The following SIAH1 variants were observed in gnomAD, a reference collection of about 807,000 sequenced individuals.
The protein encoded by SIAH1 is siah E3 ubiquitin protein ligase 1.
Under a neutral mutation model 20.0 loss-of-function variants are expected in SIAH1, and 2 were observed. The ratio of observed to expected loss-of-function variants is 0.10; its 90% confidence interval spans 0.04 to 0.31. The LOEUF (loss-of-function observed/expected upper bound fraction) is 0.31. SIAH1 is among the 10% of genes least tolerant of loss of function. SIAH1 has a pLI of 1.00. For missense variants in SIAH1, 119 were observed against 355.3 expected (o/e 0.33, Z 5.35); for synonymous variants, 118 against 125.3 (o/e 0.94, Z 0.39).
chr16:48,370,893 C>T (rs532661909), intron 1 of SIAH1, among the ~76,000 whole-genome samples: 1 of 151,732 alleles, frequency 6.6e-6, no homozygotes, highest in African/African-American at 2.4e-5. Context: ...CTGGCGGGAT[C>T]GCTTGAGGTC....
Position 48,361,540 on chromosome 16 carries a change from G to A in SIAH1, c.*40C>T, listed in dbSNP as rs1440254503. 6.3e-7 allele frequency: 1 copy of A among 1,594,774 alleles called. No homozygotes were observed. The highest frequency in any genetic ancestry group is 1.1e-5 in the South Asian group (1 of 90,504). ...TGGGTGCCTTATTTTCTGTGAAACT[G>A]AAGTTTTAAACACTGGCCAGAAAAT... is the stretch of plus-strand genomic sequence containing the variant. On this transcript the variant is annotated 3_prime_UTR_variant, in exon 2 of 2. Coordinates refer to ENST00000394725, the MANE Select transcript of SIAH1 (RefSeq NM_003031.4).
chr16:48,384,731 GGGGA>G (rs1961397470), intron 1 of SIAH1, among the ~76,000 whole-genome samples: 1 of 151,446 alleles, frequency 6.6e-6, no homozygotes, highest in Non-Finnish European at 1.5e-5. Context: ...CGGGGAGGAG[GGGGA>G]GGGAGGGCAG....
intron 1 of SIAH1, among the ~76,000 whole-genome samples, chr16:48,366,904 C>T (rs1166491714): frequency 6.6e-6 from 1 of 152,172 alleles, no homozygotes; most frequent in Non-Finnish European, 1.5e-5. Flanking sequence ...AGCCCCACAA[C>T]TACTTTTTTT....
At chr16:48,363,221 T>TA (rs2151045230) in intron 1 of SIAH1, 1 of 167,130 alleles carries the variant, frequency 6.0e-6, no homozygotes, top group Admixed American at 6.5e-5. Context: ...CTCTTCTTAA[T>TA]GGTAAGCAAT....
intron 1 of SIAH1, among the ~76,000 whole-genome samples, chr16:48,378,427 T>C (rs755280863): frequency 6.6e-5 from 10 of 152,104 alleles, no homozygotes; most frequent in Admixed American, 3.3e-4. Context: ...GGCACAAAAT[T>C]AGGCAAAATA....
intron 1 of SIAH1, among the ~76,000 whole-genome samples, chr16:48,366,795 A>G (rs1960854269): frequency 6.6e-6 from 1 of 152,158 alleles, no homozygotes; most frequent in Non-Finnish European, 1.5e-5. Context: ...CCACTTCCTC[A>G]CTCTATTAAG....
rs774317002 is a variant in SIAH1, at chr16:48,377,390, CT to C, written c.-3+7813del. On this transcript the variant is annotated intron_variant, in intron 1 of 1. Coordinates refer to ENST00000394725, the MANE Select transcript of SIAH1 (RefSeq NM_003031.4). ...ACATTAAACCTAAAGTTCTGGAAGA[CT>C]TTTTTTTTTTTTTTTTTTGAGACAG... 7.8e-3 allele frequency among the ~76,000 whole-genome samples: 1,026 copies of C among 132,092 alleles called. 9 individuals carry two copies. Among genetic ancestry groups the C allele is most frequent in the African/African-American group, 0.022 (795 of 35,484 alleles). The allele number at this position is 132,092 out of a possible 152,430, so 86.7% of individuals were successfully genotyped here. A position where few individuals can be genotyped will look rare whatever the true frequency, so the allele number is the denominator to read the frequency against.
intron 1 of SIAH1, among the ~76,000 whole-genome samples, chr16:48,366,885 GAC>G (rs1960856064): frequency 6.6e-6 from 1 of 152,164 alleles, no homozygotes; most frequent in Non-Finnish European, 1.5e-5. Context: ...ATTGAAAATA[GAC>G]ACAGTCAGCC....
At chr16:48,386,926 A>G (rs1243765791), upstream of SIAH1, 2 of 152,286 alleles carry the variant, frequency 1.3e-5, no homozygotes, top group East Asian at 1.9e-4. Flanking sequence ...TTAAAGTTCT[A>G]AACACCCGGC....
chr16:48,386,562 C>T (rs377658447), upstream of SIAH1, among the ~76,000 whole-genome samples: 29 of 152,222 alleles, frequency 1.9e-4, no homozygotes, highest in African/African-American at 6.7e-4. Context: ...TGTACAAATT[C>T]CCAGTGTATG....
chr16:48,371,989 TGGTA>T (rs1960995917), intron 1 of SIAH1, among the ~76,000 whole-genome samples: 2 of 151,944 alleles, frequency 1.3e-5, no homozygotes. Flanking sequence ...CTGACAAATC[TGGTA>T]GGTAAGTATG....
upstream of SIAH1, among the ~76,000 whole-genome samples, chr16:48,385,827 C>T (rs896070638): frequency 1.1e-4 from 17 of 152,314 alleles, no homozygotes; most frequent in African/African-American, 3.6e-4. Context: ...GTGCCCTCCC[C>T]CTTGTTTTGT....
At chr16:48,383,672 T>C (rs1158708632) in intron 1 of SIAH1, among the ~76,000 whole-genome samples, 2 of 152,194 alleles carry the variant, frequency 1.3e-5, no homozygotes, top group Non-Finnish European at 1.5e-5. Flanking sequence ...CACAAAGATA[T>C]AGCCATTCAA....
upstream of SIAH1, among the ~76,000 whole-genome samples, chr16:48,386,825 G>A (rs1361388326): frequency 3.3e-5 from 5 of 152,180 alleles, no homozygotes; most frequent in Non-Finnish European, 7.3e-5. Context: ...CAGCTCTGGG[G>A]TGAGATGTGT....
chr16:48,384,827 C>G (rs1231415158), intron 1 of SIAH1, among the ~76,000 whole-genome samples: 3 of 148,562 alleles, frequency 2.0e-5, no homozygotes, highest in Admixed American at 6.7e-5. Flanking sequence ...AAGGCCGGCA[C>G]GAGGGCGCGG....
chr16:48,366,908 T>C (rs1960857035), intron 1 of SIAH1, among the ~76,000 whole-genome samples: 1 of 152,162 alleles, frequency 6.6e-6, no homozygotes, highest in Admixed American at 6.6e-5. Context: ...CCACAACTAC[T>C]TTTTTTCCTT....
At chr16:48,367,119 C>T (rs1355512823) in intron 1 of SIAH1, among the ~76,000 whole-genome samples, 1 of 152,160 alleles carries the variant, frequency 6.6e-6, no homozygotes, top group Non-Finnish European at 1.5e-5. Context: ...AGGCTGGTCT[C>T]GAACTCCTGG....
At position 48,384,319 on chromosome 16, in the gene SIAH1, T is replaced by G. The variant is rs1263276240; in HGVS notation, c.-3+885A>C. On this transcript the variant is annotated intron_variant, in intron 1 of 1. Coordinates refer to ENST00000394725, the MANE Select transcript of SIAH1 (RefSeq NM_003031.4). Reference sequence around the variant, plus strand: ...AATCTGATTTTCCGAACACCCAAGCTGGACTTTTCTGAATGTCCGAGCAAA... The same window carrying G: ...AATCTGATTTTCCGAACACCCAAGCGGGACTTTTCTGAATGTCCGAGCAAA... 2.6e-5 allele frequency among the ~76,000 whole-genome samples: 4 copies of G among 152,328 alleles called. No homozygotes were observed. In the East Asian group the frequency reaches 7.7e-4, roughly 29 times the overall value.
intron 1 of SIAH1, among the ~76,000 whole-genome samples, chr16:48,374,701 T>C (rs972256053): frequency 6.6e-6 from 1 of 152,054 alleles, no homozygotes; most frequent in African/African-American, 2.4e-5. Context: ...GCATTAGCAG[T>C]AAGCACAGAA....
Sources: gnomAD v4.1 joint callset for allele counts (sites outside exome capture counted in the v4.1 genomes callset) on GRCh38, gnomAD v4.1.1 for gene constraint, MANE v1.5 for transcripts, NCBI Gene and HGNC (gene_info 2026-07-23, HGNC 2026-07-21) for gene names.